The following MAP3K2 variants were observed in gnomAD, a reference collection of about 807,000 sequenced individuals.
MAP3K2 encodes the protein mitogen-activated protein kinase kinase kinase 2, also known as MAP/ERK kinase kinase 2.
MAP3K2 carries 24 observed loss-of-function variants against 80.3 expected under a neutral mutation model. The ratio of observed to expected loss-of-function variants is 0.30; its 90% CI spans 0.22 to 0.42. The LOEUF is 0.42. MAP3K2 is among the 10% of genes least tolerant of loss of function. The pLI is 1.00. For missense variants in MAP3K2, 608 were observed against 750.1 expected (o/e 0.81, Z 2.21); for synonymous variants, 244 against 253.7 (o/e 0.96, Z 0.36).
At chr2:127,341,068 C>A (rs1163529955) in intron 2 of MAP3K2, among the ~76,000 whole-genome samples, 2 of 151,990 alleles carry the variant, frequency 1.3e-5, no homozygotes, top group Admixed American at 6.6e-5. Flanking sequence ...CGGCTCACTG[C>A]AAGCTCCACT....
chr2:127,303,718 G>A lies in MAP3K2; in HGVS notation c.*3861C>T, dbSNP rs1270177379. 1 of 150,874 alleles carries A rather than the reference G, an allele frequency of 6.6e-6. No homozygotes were observed. Among genetic ancestry groups the A allele is most frequent in the Non-Finnish European group, 1.5e-5 (1 of 67,580 alleles). 9.3% of individuals were successfully genotyped at this position (150,874 alleles called of 1,614,324 possible). A position where few individuals can be genotyped will look rare whatever the true frequency, so the allele number is the denominator to read the frequency against. On this transcript the variant is annotated 3_prime_UTR_variant, in exon 17 of 17. Transcript: ENST00000682094. ...AAGTTACAATTATTGAACAAACAAAGAAGATTCATTCTATTAAAAAAGATA... is the reference window on the plus strand; with the variant it reads ...AAGTTACAATTATTGAACAAACAAAAAAGATTCATTCTATTAAAAAAGATA...
At chr2:127,383,733 G>C (rs1184492348) in intron 1 of MAP3K2, among the ~76,000 whole-genome samples, 7 of 152,138 alleles carry the variant, frequency 4.6e-5, no homozygotes, top group Admixed American at 4.6e-4. Flanking sequence ...AAAGTGGGAG[G>C]ACCATCTGAG....
chr2:127,306,373 T>C lies in MAP3K2; in HGVS notation c.*1206A>G, dbSNP rs1181438694. ...CTGGCCTCTACCCAATTCATGTTACTAGTATCCCTCCAATTGTGACAACCG... is the reference window on the plus strand; with the variant it reads ...CTGGCCTCTACCCAATTCATGTTACCAGTATCCCTCCAATTGTGACAACCG... On this transcript the variant is annotated 3_prime_UTR_variant, in exon 17 of 17. Coordinates refer to ENST00000682094, the MANE Select transcript of MAP3K2 (RefSeq NM_001371910.2). The surrounding 1 kb of genome is among the most constrained non-coding windows in gnomAD (Gnocchi z 4.7). 2 of 152,180 alleles carry C rather than the reference T, an allele frequency of 1.3e-5. No homozygotes were observed. Among genetic ancestry groups the C allele is most frequent in the Non-Finnish European group, 2.9e-5 (2 of 68,028 alleles). 9.4% of individuals were successfully genotyped at this position (152,180 alleles called of 1,614,324 possible).
intron 1 of MAP3K2, among the ~76,000 whole-genome samples, chr2:127,380,038 A>G (rs1009838057): frequency 6.6e-6 from 1 of 152,252 alleles, no homozygotes; most frequent in Non-Finnish European, 1.5e-5. Context: ...AGAAAAAAAG[A>G]AACAAAGGAA....
intron 15 of MAP3K2, among the ~76,000 whole-genome samples, chr2:127,312,680 A>C (rs1236334362): frequency 1.3e-5 from 2 of 151,944 alleles, no homozygotes; most frequent in Non-Finnish European, 2.9e-5. Context: ...AAACAAACAA[A>C]GGCCGGGCAC....
At chr2:127,314,964 A>G (rs2104811161) in intron 14 of MAP3K2, 81 bp from the exon 15 acceptor site, 1 of 1,001,196 alleles carries the variant, frequency 1.0e-6, no homozygotes, top group East Asian at 2.6e-5. Flanking sequence ...ATCAGTAAAG[A>G]GGGCAGGAAT....
intron 15 of MAP3K2, among the ~76,000 whole-genome samples, chr2:127,314,027 C>T (rs528493871): frequency 1.3e-5 from 2 of 152,258 alleles, no homozygotes; most frequent in East Asian, 1.9e-4. Context: ...CCACAACCTA[C>T]CTTTACAGGA....
At chr2:127,334,085 G>C (rs1686316194) in intron 5 of MAP3K2, among the ~76,000 whole-genome samples, 1 of 152,106 alleles carries the variant, frequency 6.6e-6, no homozygotes, top group Non-Finnish European at 1.5e-5. Flanking sequence ...GGGTGACAGA[G>C]TGAAACCTCG....
intron 1 of MAP3K2, among the ~76,000 whole-genome samples, chr2:127,378,682 C>T (rs538372942): frequency 1.3e-5 from 2 of 152,224 alleles, no homozygotes; most frequent in Admixed American, 1.3e-4. Context: ...CTGTAAAAGA[C>T]TAGGAGGAAA....
intron 8 of MAP3K2, 84 bp downstream of exon 8, chr2:127,326,603 A>C: frequency 1.0e-6 from 1 of 977,788 alleles, no homozygotes; most frequent in Non-Finnish European, 1.4e-6. Flanking sequence ...GATAATACAC[A>C]CACACACCCA....
At chr2:127,354,959 A>C (rs1686772285) in intron 1 of MAP3K2, among the ~76,000 whole-genome samples, 1 of 152,172 alleles carries the variant, frequency 6.6e-6, no homozygotes, top group Non-Finnish European at 1.5e-5. Context: ...ATAACAGTAA[A>C]TCAGACATCG....
rs547450152 is a variant in MAP3K2, at chr2:127,369,806, C to A, written c.-66+17646G>T. Among the ~76,000 whole-genome samples the A allele has an allele frequency of 4.6e-5, 7 of 152,236 alleles. No homozygotes were observed. In the South Asian group the frequency reaches 1.4e-3, roughly 32 times the overall value. On this transcript the variant is annotated intron_variant, in intron 1 of 16. Coordinates refer to ENST00000682094, the MANE Select transcript of MAP3K2 (RefSeq NM_001371910.2). ...AGTGGTGAATGTTTCTAGGTAAAAG[C>A]TTTAAAAGCCAGAGTGTAGTCTGAT...
intron 1 of MAP3K2, among the ~76,000 whole-genome samples, chr2:127,357,795 C>T (rs1206841691): frequency 6.6e-6 from 1 of 151,960 alleles, no homozygotes; most frequent in Admixed American, 6.6e-5. Context: ...GCTGTCACCT[C>T]ATAACAGACA....
upstream of MAP3K2, chr2:127,388,201 T>G: frequency 1.0e-6 from 1 of 982,222 alleles, no homozygotes; most frequent in Non-Finnish European, 1.2e-6. Flanking sequence ...CCCCCGCCCC[T>G]GCCCCGGGGC....
intron 1 of MAP3K2, among the ~76,000 whole-genome samples, chr2:127,366,683 T>C (rs1340245528): frequency 6.6e-6 from 1 of 152,078 alleles, no homozygotes; most frequent in East Asian, 1.9e-4. Context: ...CAATACTTTT[T>C]TTCCTTCTCC....
chr2:127,339,479 G>T lies in MAP3K2; in HGVS notation c.5-429C>A, dbSNP rs75683614. Among the ~76,000 whole-genome samples the T allele has an allele frequency of 0.029, 4,361 of 152,140 alleles. 206 individuals are homozygous for T. Among genetic ancestry groups the T allele is most frequent in the African/African-American group, 0.099 (4,114 of 41,506 alleles). Reference sequence around the variant, plus strand: ...CAAAGTACAGACTTAATTTTGGAAGGTTTTTTTATTCTTTCATCAATACTT... The same window carrying T: ...CAAAGTACAGACTTAATTTTGGAAGTTTTTTTTATTCTTTCATCAATACTT... On this transcript the variant is annotated intron_variant, in intron 2 of 16. Transcript: ENST00000682094. The surrounding 1 kb of genome is among the most constrained non-coding windows in gnomAD (Gnocchi z 4.2).
chr2:127,381,818 G>T (rs920503224), intron 1 of MAP3K2, among the ~76,000 whole-genome samples: 1 of 151,728 alleles, frequency 6.6e-6, no homozygotes, highest in Admixed American at 6.6e-5. Flanking sequence ...AGGTATTCTT[G>T]TCCAAAATGT....
intron 1 of MAP3K2, among the ~76,000 whole-genome samples, chr2:127,372,363 A>T (rs1461542455): frequency 6.6e-6 from 1 of 152,228 alleles, no homozygotes; most frequent in Non-Finnish European, 1.5e-5. Flanking sequence ...GTACACTGGA[A>T]TCAATTAATC....
At chr2:127,346,814 C>G (rs1405847252) in intron 1 of MAP3K2, among the ~76,000 whole-genome samples, 3 of 151,748 alleles carry the variant, frequency 2.0e-5, no homozygotes, top group Non-Finnish European at 2.9e-5. Context: ...ATGGCAAAAC[C>G]CTGCCTCTAC....
Sources: allele counts gnomAD v4.1 joint callset (sites outside exome capture counted in the v4.1 genomes callset), GRCh38; gene constraint gnomAD v4.1.1; non-coding constraint Gnocchi (gnomAD v3.1); transcripts MANE v1.5; gene names NCBI Gene and HGNC (gene_info 2026-07-23, HGNC 2026-07-21).